HABP4: variants seen among roughly 807,000 people sequenced by gnomAD.
HABP4 encodes the protein intracellular hyaluronan-binding protein 4.
HABP4 carries 32 observed loss-of-function variants against 44.1 expected under a neutral mutation model. That is an observed-to-expected ratio of 0.73 (90% confidence interval 0.55 to 0.97). HABP4 has a LOEUF of 0.97. HABP4 is among the 50% of genes least tolerant of loss of function. The pLI, the probability that HABP4 is intolerant of heterozygous loss-of-function variation, is 0.00. For synonymous variants in HABP4, 216 were observed against 218.0 expected (o/e 0.99, Z 0.08); for missense variants, 503 against 561.9 (o/e 0.90, Z 1.06).
chr9:96,477,359 A>G (rs2131147598), intron 5 of HABP4, among the ~76,000 whole-genome samples: 1 of 152,356 alleles, frequency 6.6e-6, no homozygotes, highest in African/African-American at 2.4e-5. Flanking sequence ...ATTAAGTAGT[A>G]TAAAGAACTT....
At chr9:96,456,780 A>AAAATAT (rs1554724388) in intron 1 of HABP4, among the ~76,000 whole-genome samples, 5 of 44,766 alleles carry the variant, frequency 1.1e-4, no homozygotes, top group African/African-American at 1.8e-4. Context: ...AAAAAAAAAA[A>AAAATAT]ATATATATAT....
intron 1 of HABP4, among the ~76,000 whole-genome samples, chr9:96,456,782 TA>T (rs1832397868): frequency 5.7e-5 from 2 of 35,300 alleles, no homozygotes; most frequent in South Asian, 1.5e-3. Context: ...AAAAAAAAAA[TA>T]TATATATATA....
rs1833064279 is a variant in HABP4 at position 96,490,125 on chromosome 9, G to GA, written c.*89dup. 1.2e-6 allele frequency: 1 copy of GA among 824,892 alleles called. No individual in the cohort carries two copies. The highest frequency in any genetic ancestry group is 1.7e-5 in the African/African-American group (1 of 59,430). 51.1% of individuals were successfully genotyped at this position (824,892 alleles called of 1,614,324 possible). On this transcript the variant is annotated 3_prime_UTR_variant, in exon 8 of 8. Transcript: ENST00000375249. ...CTGGGCCAAGGGAGTCAGACTCTAA[G>GA]AACAATAGATGTTGCTTTTCCCGTG...
At chr9:96,458,259 C>G (rs1832433730) in intron 1 of HABP4, 120 bp from the exon 2 acceptor site, 1 of 1,038,828 alleles carries the variant, frequency 9.6e-7, no homozygotes, top group Non-Finnish European at 1.5e-6. Context: ...TCTAAACTTC[C>G]TGAATTCTCC....
intron 4 of HABP4, among the ~76,000 whole-genome samples, chr9:96,469,632 C>T (rs1228154191): frequency 6.6e-6 from 1 of 152,064 alleles, no homozygotes; most frequent in Non-Finnish European, 1.5e-5. Context: ...AAGTGATTCT[C>T]CTGCCTCAGC....
Position 96,488,028 on chromosome 9 carries a change from C to A in HABP4, c.1000-61C>A. 2 of 1,177,378 alleles carry A rather than the reference C, an allele frequency of 1.7e-6. No individual in the cohort carries two copies. The highest frequency in any genetic ancestry group is 2.5e-6 in the Non-Finnish European group (2 of 792,498). 72.9% of individuals were successfully genotyped at this position (1,177,378 alleles called of 1,614,324 possible). ...TGTGTAGCACACTGCAGCCACTAAGCCAGATGAGTGTGGGGATGGCTGTGG... is the reference window on the plus strand; with the variant it reads ...TGTGTAGCACACTGCAGCCACTAAGACAGATGAGTGTGGGGATGGCTGTGG... On this transcript the variant is annotated intron_variant, in intron 6 of 7. Coordinates refer to ENST00000375249, the MANE Select transcript of HABP4 (RefSeq NM_014282.4). This position sits in a 1 kb window ranked among gnomAD's most constrained non-coding sequence, Gnocchi z 4.6.
chr9:96,465,460 A>G lies in HABP4; in HGVS notation c.636A>G (p.Gly212=). 6.2e-7 allele frequency: 1 copy of G among 1,613,062 alleles called. No homozygotes were observed. Among genetic ancestry groups the G allele is most frequent in the South Asian group, 1.1e-5 (1 of 91,062 alleles). ...TTTTTGACGCTTTTGACCAGAGAGG[A>G]AAGCGAGAATTTGAAAGATATGGTG... The part of the protein sequence containing the change: ...NRVFDAFDQR[G]KREFERYGGN... The change falls in exon 3 of 8, where the codon GGA becomes GGG. Residue 212 remains glycine (G), a synonymous_variant. Coordinates refer to ENST00000375249, the MANE Select transcript of HABP4 (RefSeq NM_014282.4).
Position 96,488,204 on chromosome 9 carries a change from G to A in HABP4, c.1115G>A (p.Arg372Lys). The change falls in exon 7 of 8, where the codon AGA becomes AAA. Residue 372 changes from arginine to lysine, a missense_variant. Arg to Lys is a conservative substitution (Grantham distance 26). This residue lies in a region of HABP4 where 82 missense variants were observed against 71.6 expected (regional missense o/e 1.15). Transcript: ENST00000375249. The surrounding 1 kb of genome is among the most constrained non-coding windows in gnomAD (Gnocchi z 4.6). Reference protein sequence around the residue: ...GNLPRPGRGARGGTRGGRGRI... With the variant: ...GNLPRPGRGAKGGTRGGRGRI... ...CTCCCTCGTCCTGGGCGTGGAGCCA[G>A]AGGAGGCACCCGGGGAGGCCGGGGA... 6.2e-7 allele frequency: 1 copy of A among 1,613,778 alleles called. No individual in the cohort carries two copies. Among genetic ancestry groups the A allele is most frequent in the Non-Finnish European group, 8.5e-7 (1 of 1,179,624 alleles).
At chr9:96,452,859 A>T (rs1832309278) in intron 1 of HABP4, among the ~76,000 whole-genome samples, 1 of 151,568 alleles carries the variant, frequency 6.6e-6, no homozygotes. Flanking sequence ...ATATCATAGA[A>T]ATGTTAATCC....
chr9:96,451,161 C>T (rs539215793), intron 1 of HABP4, among the ~76,000 whole-genome samples: 3 of 152,228 alleles, frequency 2.0e-5, no homozygotes, highest in African/African-American at 4.8e-5. Context: ...TCCGGCCTGG[C>T]GCCTTCGCCC....
At chr9:96,485,651 G>A (rs533951249) in intron 6 of HABP4, among the ~76,000 whole-genome samples, 16 of 152,260 alleles carry the variant, frequency 1.1e-4, no homozygotes, top group African/African-American at 3.6e-4. Flanking sequence ...ATGTTGATAG[G>A]GATGCCATGG....
At chr9:96,461,767 G>A (rs980259633) in intron 2 of HABP4, among the ~76,000 whole-genome samples, 4 of 152,148 alleles carry the variant, frequency 2.6e-5, no homozygotes, top group African/African-American at 9.7e-5. Context: ...CAATAAACAT[G>A]TATAGGTATT....
At chr9:96,454,885 G>A (rs1185600762) in intron 1 of HABP4, among the ~76,000 whole-genome samples, 2 of 152,182 alleles carry the variant, frequency 1.3e-5, no homozygotes, top group African/African-American at 2.4e-5. Context: ...GAGGCTAGGC[G>A]GGAGGATCAC....
intron 6 of HABP4, among the ~76,000 whole-genome samples, chr9:96,485,723 A>G (rs918123770): frequency 2.6e-5 from 4 of 152,048 alleles, no homozygotes; most frequent in Non-Finnish European, 1.5e-5. Context: ...CATTCCCATT[A>G]TGGGATTTAG....
chr9:96,489,798 C>T (rs1285404253), intron 7 of HABP4, among the ~76,000 whole-genome samples, 184 bp from the exon 8 acceptor site: 1 of 152,200 alleles, frequency 6.6e-6, no homozygotes, highest in Non-Finnish European at 1.5e-5. Flanking sequence ...GGCTGGAGGC[C>T]TGTGTGGGAG....
chr9:96,479,554 G>A (rs529102178), intron 5 of HABP4, among the ~76,000 whole-genome samples: 1 of 151,486 alleles, frequency 6.6e-6, no homozygotes, highest in Non-Finnish European at 1.5e-5. Flanking sequence ...CTCTTGCCGA[G>A]CCTGGAGTGC....
At chr9:96,480,367 T>C (rs1832855101) in intron 5 of HABP4, among the ~76,000 whole-genome samples, 1 of 152,204 alleles carries the variant, frequency 6.6e-6, no homozygotes, top group African/African-American at 2.4e-5. Context: ...ACCAAGTTCT[T>C]TTCTAGATAG....
chr9:96,454,400 G>A (rs934932743), intron 1 of HABP4, among the ~76,000 whole-genome samples: 2 of 150,874 alleles, frequency 1.3e-5, no homozygotes, highest in Non-Finnish European at 2.9e-5. Flanking sequence ...AACTTTCTTA[G>A]TGGCTTTTTC....
Position 96,488,078 on chromosome 9 carries a change from TTG to T in HABP4, c.1000-7_1000-6del, listed in dbSNP as rs1564170761. 6.2e-7 allele frequency: 1 copy of T among 1,601,024 alleles called. No homozygotes were observed. Among genetic ancestry groups the T allele is most frequent in the East Asian group, 2.2e-5 (1 of 44,796 alleles). On this transcript the variant is annotated splice_polypyrimidine_tract_variant and intron_variant, in intron 6 of 7. Transcript: ENST00000375249. The surrounding 1 kb of genome is among the most constrained non-coding windows in gnomAD (Gnocchi z 4.6). The stretch of plus-strand genomic sequence containing the variant: ...GACTTGTGCGTGTTTGATGCTGTAA[TTG>T]TGTTTCAGATGGTAAAAGATGACTA...
Sources: gnomAD v4.1 joint callset for allele counts (sites outside exome capture counted in the v4.1 genomes callset) on GRCh38, gnomAD v4.1.1 for gene constraint, gnomAD v4.1.1 regional missense constraint, Gnocchi (gnomAD v3.1) non-coding constraint, MANE v1.5 for transcripts, NCBI Gene and HGNC (gene_info 2026-07-23, HGNC 2026-07-21) for gene names.